Variants in MYO9A observed in about 807,000 individuals in gnomAD.
The protein encoded by MYO9A is unconventional myosin-IXa.
MYO9A carries 103 observed loss-of-function variants against 293.3 expected under a neutral mutation model. That is an observed-to-expected ratio of 0.35 (90% CI 0.30 to 0.41). The LOEUF (loss-of-function observed/expected upper bound fraction) is 0.41. MYO9A is among the 10% of genes least tolerant of loss of function. MYO9A has a pLI of 1.00. For synonymous variants in MYO9A, 1,001 were observed against 1,035.7 expected, an observed-to-expected ratio of 0.97 and a Z score of 0.64; for missense variants, 2,685 against 3,033.0, an observed-to-expected ratio of 0.89 and a Z score of 2.69.
intron 5 of MYO9A, 88 bp from the exon 6 acceptor site, chr15:72,019,183 C>T: frequency 5.6e-6 from 6 of 1,072,320 alleles, no homozygotes; most frequent in Non-Finnish European, 7.2e-6. Context: ...AGTAGTACTG[C>T]TGCTCTCCAT....
At chr15:72,099,477 C>T (rs2080190695) in intron 1 of MYO9A, among the ~76,000 whole-genome samples, 1 of 150,520 alleles carries the variant, frequency 6.6e-6, no homozygotes, top group African/African-American at 2.4e-5. Context: ...TGACACACAC[C>T]TGTAGTCCCA....
chr15:72,037,342 C>T (rs899828703), intron 2 of MYO9A, among the ~76,000 whole-genome samples: 1 of 146,644 alleles, frequency 6.8e-6, no homozygotes, highest in Non-Finnish European at 1.5e-5. Flanking sequence ...ACTCTGAAAA[C>T]ATCTGAAATA....
rs754028295 is a variant in MYO9A, at chr15:71,826,960, G to A, written c.7267C>T (p.Gln2423Ter). ...GAGTCCACGACATCTAAAGAGTCTTGCTGCTTTTTAAGTTGCTTTCGCAAC... is the reference window on the plus strand; with the variant it reads ...GAGTCCACGACATCTAAAGAGTCTTACTGCTTTTTAAGTTGCTTTCGCAAC... ...SKLRKQLKKQ[Q>*]DSLDVVDSSV... Residue 2423 changes from glutamine (Q) to a stop codon, truncating the protein, a stop_gained, in exon 42 of 42, where the codon CAA becomes TAA. Coordinates refer to ENST00000356056, the MANE Select transcript of MYO9A (RefSeq NM_006901.4). LOFTEE classifies it high-confidence loss of function. The A allele has an allele frequency of 3.1e-6, 5 of 1,613,832 alleles. No homozygotes were observed. The highest frequency in any genetic ancestry group is 4.2e-6 in the Non-Finnish European group (5 of 1,179,906).
chr15:71,999,923 T>C lies in MYO9A; in HGVS notation c.1398A>G (p.Leu466=). 1 of 1,611,856 alleles carries C rather than the reference T, an allele frequency of 6.2e-7. No individual in the cohort carries two copies. The highest frequency in any genetic ancestry group is 8.5e-7 in the Non-Finnish European group (1 of 1,179,060). ...SELLEVKEEM[L]FEALVTRKTV... ...TCTTCCTTGTAACTAATGCTTCAAA[T>C]AGCATCTCTTCTTTAACCTATAAAA... The change falls in exon 9 of 42, where the codon CTA becomes CTG. Residue 466 remains leucine (L), a synonymous_variant. Transcript: ENST00000356056.
chr15:72,112,478 C>T (rs2080814874), intron 1 of MYO9A, among the ~76,000 whole-genome samples: 1 of 152,212 alleles, frequency 6.6e-6, no homozygotes, highest in Non-Finnish European at 1.5e-5. Flanking sequence ...AGCAAATATA[C>T]TTTGTTCTAT....
At chr15:71,886,660 A>G (rs2057030099) in intron 27 of MYO9A, among the ~76,000 whole-genome samples, 1 of 152,136 alleles carries the variant, frequency 6.6e-6, no homozygotes, top group African/African-American at 2.4e-5. Context: ...ATGTATTAAC[A>G]TATTTAAAAT....
rs193080584 is a variant in MYO9A, at chr15:72,112,818, C to G, written c.-72+4862G>C. On this transcript the variant is annotated intron_variant, in intron 1 of 41. Coordinates refer to ENST00000356056, the MANE Select transcript of MYO9A (RefSeq NM_006901.4). ...AAGGCATGAGGCAGCTTGTAGAGTT[C>G]TAGTGATATTCTATATCTTGATGTA... Among the ~76,000 whole-genome samples the G allele has an allele frequency of 2.5e-4, 38 of 152,272 alleles. 1 individual carries two copies. In the South Asian group the frequency reaches 6.8e-3, roughly 27 times the overall value.
At chr15:72,024,863 C>CA (rs1354480302) in intron 4 of MYO9A, among the ~76,000 whole-genome samples, 1 of 151,728 alleles carries the variant, frequency 6.6e-6, no homozygotes, top group Non-Finnish European at 1.5e-5. Context: ...TAAAATGGTA[C>CA]ACTAGAAAAC....
intron 40 of MYO9A, among the ~76,000 whole-genome samples, chr15:71,829,337 A>G (rs965709755): frequency 6.6e-6 from 1 of 152,156 alleles, no homozygotes; most frequent in Non-Finnish European, 1.5e-5. Flanking sequence ...ACCAAACTCA[A>G]GACCTGGGAT....
At chr15:72,025,811 A>G in intron 4 of MYO9A, among the ~76,000 whole-genome samples, 1 of 152,206 alleles carries the variant, frequency 6.6e-6, no homozygotes, top group Non-Finnish European at 1.5e-5. Flanking sequence ...GACCTAACAT[A>G]TGTTTATAGA....
chr15:72,100,768 T>C (rs1306551659), intron 1 of MYO9A, among the ~76,000 whole-genome samples: 4 of 144,256 alleles, frequency 2.8e-5, no homozygotes, highest in African/African-American at 7.8e-5. Context: ...ACCCGGCAGC[T>C]GCCCCGTCTG....
Position 72,045,748 on chromosome 15 carries a change from A to G in MYO9A, c.816T>C (p.Ile272=). Residue 272 remains isoleucine (I), a synonymous_variant, in exon 2 of 42, where the codon ATT becomes ATC. Transcript: ENST00000356056. ...CCTCAAGTACTGGTCCAGCTCCAAG[A>G]ATAATCTGTTCTACTCCACTGGCAA... The part of the protein sequence containing the change: ...KGFASGVEQI[I]LGAGPVLEAF... The G allele has an allele frequency of 1.2e-6, 2 of 1,606,182 alleles. No individual in the cohort carries two copies. Among genetic ancestry groups the G allele is most frequent in the Non-Finnish European group, 1.7e-6 (2 of 1,176,736 alleles).
chr15:72,113,739 AAC>A (rs957730751), intron 1 of MYO9A, among the ~76,000 whole-genome samples: 1 of 152,164 alleles, frequency 6.6e-6, no homozygotes, highest in Admixed American at 6.5e-5. Flanking sequence ...TATACATACA[AAC>A]ACACAGCCAA....
Position 71,897,452 on chromosome 15 carries a change from T to C in MYO9A, c.5042+9A>G. ...TTCCCATTTATACATAAATAAACAT[T>C]TCACTTACAGGGGAATACTCATATT... On this transcript the variant is annotated intron_variant, in intron 25 of 41. Coordinates refer to ENST00000356056, the MANE Select transcript of MYO9A (RefSeq NM_006901.4). 1 of 1,583,188 alleles carries C rather than the reference T, an allele frequency of 6.3e-7. No homozygotes were observed.
chr15:71,873,827 G>A (rs1030558041), intron 32 of MYO9A, among the ~76,000 whole-genome samples: 1 of 152,090 alleles, frequency 6.6e-6, no homozygotes, highest in Non-Finnish European at 1.5e-5. Context: ...TTATTGATAT[G>A]AATAACTAAT....
At chr15:71,851,546 A>C (rs1034661460) in intron 36 of MYO9A, among the ~76,000 whole-genome samples, 188 bp from the exon 37 acceptor site, 7 of 152,346 alleles carry the variant, frequency 4.6e-5, no homozygotes, top group Admixed American at 4.6e-4. Flanking sequence ...ATTCATAAAC[A>C]GTCTCCTTAG....
chr15:71,962,887 T>C (rs1397884927), intron 13 of MYO9A, among the ~76,000 whole-genome samples: 1 of 152,196 alleles, frequency 6.6e-6, no homozygotes, highest in Non-Finnish European at 1.5e-5. Context: ...TGAAATAATC[T>C]GTCTTCATAT....
intron 26 of MYO9A, chr15:71,891,509 C>T (rs1318646210): frequency 6.6e-6 from 1 of 152,158 alleles, no homozygotes; most frequent in African/African-American, 2.4e-5. Flanking sequence ...TAGTTTGTTC[C>T]ATTACATAAT....
rs767545903 is a variant in MYO9A at position 71,935,303 on chromosome 15, A to G, written c.2522+38T>C. 2.0e-6 allele frequency: 3 copies of G among 1,525,134 alleles called. No homozygotes were observed. The South Asian group carries it at 3.9e-5, about 20-fold the overall frequency. 94.5% of individuals were successfully genotyped at this position (1,525,134 alleles called of 1,614,324 possible). A position where few individuals can be genotyped will look rare whatever the true frequency, so the allele number is the denominator to read the frequency against. ...AAATTTTAAACCAGACAAAAAACAA[A>G]AAACAAAAAACAATTTACATTACTG... is the stretch of plus-strand genomic sequence containing the variant. On this transcript the variant is annotated intron_variant, in intron 17 of 41. Coordinates refer to ENST00000356056, the MANE Select transcript of MYO9A (RefSeq NM_006901.4).
Sources: allele counts gnomAD v4.1 joint callset (sites outside exome capture counted in the v4.1 genomes callset), GRCh38; gene constraint gnomAD v4.1.1; transcripts MANE v1.5; gene names NCBI Gene and HGNC (gene_info 2026-07-23, HGNC 2026-07-21).